Variants in SLC12A1 observed in about 807,000 individuals in gnomAD.
SLC12A1 encodes Na-K-2Cl cotransporter.
Under a neutral mutation model 130.4 loss-of-function variants are expected in SLC12A1, and 89 were observed. That is an observed-to-expected ratio of 0.68 (90% CI 0.58 to 0.81). The LOEUF is 0.81. Among genes scored for constraint, SLC12A1 ranks in the 40% least tolerant of loss-of-function variants. The pLI, the probability that SLC12A1 is intolerant of heterozygous loss-of-function variation, is 0.00. For missense variants in SLC12A1, 1,310 were observed against 1,336.4 expected, an observed-to-expected ratio of 0.98 and a Z score of 0.31; for synonymous variants, 499 against 460.0, an observed-to-expected ratio of 1.08 and a Z score of -1.09.
chr15:48,232,080 T>C (rs2041387505), intron 7 of SLC12A1, among the ~76,000 whole-genome samples: 1 of 152,118 alleles, frequency 6.6e-6, no homozygotes, highest in Admixed American at 6.5e-5. Context: ...AGGAGGTAAC[T>C]AAGACTTAAA....
intron 4 of SLC12A1, chr15:48,225,608 C>A (rs940325591): frequency 1.3e-5 from 2 of 152,056 alleles, no homozygotes; most frequent in Non-Finnish European, 2.9e-5. Context: ...TTTTGACCAG[C>A]CCTAGTGGCT....
intron 2 of SLC12A1, among the ~76,000 whole-genome samples, chr15:48,213,501 A>ATTTT (rs1242909450): frequency 2.3e-5 from 3 of 131,276 alleles, no homozygotes; most frequent in African/African-American, 9.1e-5. Context: ...TTCCTCTAGA[A>ATTTT]TTTTTTTTTT....
chr15:48,285,310 T>C, intron 21 of SLC12A1, 61 bp downstream of exon 21: 1 of 1,530,996 alleles, frequency 6.5e-7, no homozygotes, highest in Non-Finnish European at 9.0e-7. Flanking sequence ...TGAGCATCTA[T>C]GAAGAGTCCG....
At chr15:48,255,948 C>A (rs767931981) in intron 16 of SLC12A1, 38 bp downstream of exon 16, 1 of 1,268,416 alleles carries the variant, frequency 7.9e-7, no homozygotes, top group South Asian at 1.3e-5. Context: ...TGTTTTTCCA[C>A]CCTAGAAGTG....
intron 5 of SLC12A1, chr15:48,227,029 T>C: frequency 8.2e-7 from 1 of 1,220,488 alleles, no homozygotes; most frequent in Non-Finnish European, 1.2e-6. Flanking sequence ...GAAGTACTGG[T>C]GACTTCTCTC....
intron 23 of SLC12A1, among the ~76,000 whole-genome samples, chr15:48,290,994 G>A (rs986166114): frequency 2.6e-5 from 4 of 151,784 alleles, no homozygotes; most frequent in South Asian, 2.1e-4. Flanking sequence ...TTGTTCTTAC[G>A]AACTGCTCAC....
chr15:48,206,548 T>C (rs1050672285), intron 1 of SLC12A1, among the ~76,000 whole-genome samples: 5 of 152,180 alleles, frequency 3.3e-5, no homozygotes, highest in African/African-American at 9.7e-5. Flanking sequence ...AATAACTGCA[T>C]GAGAGAGACA....
chr15:48,278,843 C>T (rs1457163667), intron 20 of SLC12A1, among the ~76,000 whole-genome samples: 1 of 152,096 alleles, frequency 6.6e-6, no homozygotes, highest in Non-Finnish European at 1.5e-5. Context: ...CCTCATTGTT[C>T]CATCTGCCAA....
At chr15:48,274,325 T>C (rs901241019) in intron 19 of SLC12A1, among the ~76,000 whole-genome samples, 4 of 152,220 alleles carry the variant, frequency 2.6e-5, no homozygotes, top group African/African-American at 9.6e-5. Flanking sequence ...AAAATTCTGA[T>C]TTATAGTATT....
intron 13 of SLC12A1, 59 bp from the exon 14 acceptor site, chr15:48,249,516 C>T (rs1597427257): frequency 7.4e-6 from 9 of 1,219,528 alleles, no homozygotes; most frequent in Non-Finnish European, 9.8e-6. Flanking sequence ...GCTATAACAG[C>T]TGTTCAGCCC....
intron 11 of SLC12A1, among the ~76,000 whole-genome samples, chr15:48,245,619 G>A (rs1030087033): frequency 3.3e-5 from 5 of 152,182 alleles, no homozygotes; most frequent in African/African-American, 1.2e-4. Flanking sequence ...TTGTGGCTGT[G>A]TAGTATTGCA....
At position 48,227,161 on chromosome 15, in the gene SLC12A1, A is replaced by G. The variant is rs1231207162; in HGVS notation, c.724+590A>G. 5 of 1,549,462 alleles carry G rather than the reference A, an allele frequency of 3.2e-6. No individual in the cohort carries two copies. In the African/African-American group the frequency reaches 5.5e-5, roughly 17 times the overall value. ...CTATGTCTGCTATTTGCACGAATGGAGTAGTAAGAGGAGGTAAGCCAATTA... is the reference window on the plus strand; with the variant it reads ...CTATGTCTGCTATTTGCACGAATGGGGTAGTAAGAGGAGGTAAGCCAATTA... On this transcript the variant is annotated intron_variant, in intron 5 of 26. Transcript: ENST00000380993.
chr15:48,207,279 A>G (rs2040993491), intron 1 of SLC12A1, among the ~76,000 whole-genome samples: 1 of 152,202 alleles, frequency 6.6e-6, no homozygotes, highest in African/African-American at 2.4e-5. Context: ...CAGTGCACTG[A>G]ATTCAAGCAA....
Position 48,282,059 on chromosome 15 carries a change from A to G in SLC12A1, c.2486-3047A>G, listed in dbSNP as rs559986983. Among the ~76,000 whole-genome samples, 411 of 152,312 alleles carry G rather than the reference A, an allele frequency of 2.7e-3. 2 individuals are homozygous for G. The highest frequency in any genetic ancestry group is 9.3e-3 in the African/African-American group (388 of 41,574). The stretch of plus-strand genomic sequence containing the variant: ...CGAAAAGGAAGGAGTGCACAGAAGG[A>G]GGCCTTAGATCACCTACCAAGTGAA... On this transcript the variant is annotated intron_variant, in intron 20 of 26. Transcript: ENST00000380993.
Position 48,266,473 on chromosome 15 carries a change from G to A in SLC12A1, c.2155-1088G>A, listed in dbSNP as rs912649743. 4.9e-5 allele frequency among the ~76,000 whole-genome samples: 7 copies of A among 143,504 alleles called. No individual in the cohort carries two copies. The South Asian group carries it at 1.3e-3, about 27-fold the overall frequency. The allele number at this position is 143,504 out of a possible 152,430, so 94.1% of individuals were successfully genotyped here. ...TTTTTTTTTTTTCATGCATCCCAATGTCCTTTCTCTCCAATCTAAGACCCT... is the reference window on the plus strand; with the variant it reads ...TTTTTTTTTTTTCATGCATCCCAATATCCTTTCTCTCCAATCTAAGACCCT... On this transcript the variant is annotated intron_variant, in intron 17 of 26. Transcript: ENST00000380993.
intron 2 of SLC12A1, among the ~76,000 whole-genome samples, chr15:48,216,988 A>G (rs1014653781): frequency 5.3e-5 from 8 of 152,208 alleles, no homozygotes; most frequent in Admixed American, 3.9e-4. Context: ...CACTTGGAAC[A>G]TGGCTAGTCC....
At chr15:48,263,877 G>T (rs2041802626) in intron 17 of SLC12A1, among the ~76,000 whole-genome samples, 1 of 151,950 alleles carries the variant, frequency 6.6e-6, no homozygotes, top group Admixed American at 6.6e-5. Context: ...ATTTTTTGTA[G>T]AGACAGGGTT....
At chr15:48,288,869 C>T (rs1247054912) in intron 23 of SLC12A1, among the ~76,000 whole-genome samples, 1 of 152,128 alleles carries the variant, frequency 6.6e-6, no homozygotes, top group Non-Finnish European at 1.5e-5. Context: ...AATCTGGGTC[C>T]AGTTGCTTTT....
intron 20 of SLC12A1, among the ~76,000 whole-genome samples, chr15:48,276,080 C>T (rs995259663): frequency 2.6e-5 from 4 of 151,970 alleles, no homozygotes; most frequent in Non-Finnish European, 2.9e-5. Context: ...CAAAGAGCAG[C>T]GTTTGGGAGT....
Sources: gnomAD v4.1 joint callset for allele counts (sites outside exome capture counted in the v4.1 genomes callset) on GRCh38, gnomAD v4.1.1 for gene constraint, MANE v1.5 for transcripts, NCBI Gene and HGNC (gene_info 2026-07-23, HGNC 2026-07-21) for gene names.